The following ATAD1 variants were observed in gnomAD, a reference collection of about 807,000 sequenced individuals.
ATAD1 encodes the protein outer mitochondrial transmembrane helix translocase.
Under a neutral mutation model 42.7 loss-of-function variants are expected in ATAD1, and 18 were observed. The ratio of observed to expected loss-of-function variants is 0.42; its 90% CI spans 0.29 to 0.63. The LOEUF is 0.63. Among genes scored for constraint, ATAD1 ranks in the 20% least tolerant of loss-of-function variants. The pLI, the probability that ATAD1 is intolerant of heterozygous loss-of-function variation, is 0.19. For synonymous variants in ATAD1, 132 were observed against 143.1 expected, an observed-to-expected ratio of 0.92 and a Z score of 0.55; for missense variants, 294 against 440.4, an observed-to-expected ratio of 0.67 and a Z score of 2.98.
chr10:87,757,847 C>T (rs1854294120), intron 8 of ATAD1, among the ~76,000 whole-genome samples: 1 of 152,186 alleles, frequency 6.6e-6, no homozygotes, highest in African/African-American at 2.4e-5. Context: ...AGCAACTCTA[C>T]ACAAGGACAA....
intron 8 of ATAD1, among the ~76,000 whole-genome samples, chr10:87,766,284 T>C (rs1252253023): frequency 6.6e-6 from 1 of 152,142 alleles, no homozygotes; most frequent in East Asian, 1.9e-4. Context: ...AAGTATGAAA[T>C]GACATACACA....
chr10:87,762,310 T>C (rs904821007), intron 8 of ATAD1, among the ~76,000 whole-genome samples: 3 of 152,222 alleles, frequency 2.0e-5, no homozygotes, highest in African/African-American at 7.2e-5. Context: ...TGTAACTACC[T>C]TCTAGTATCT....
chr10:87,794,254 A>T (rs760027808), intron 2 of ATAD1, among the ~76,000 whole-genome samples: 1 of 152,204 alleles, frequency 6.6e-6, no homozygotes, highest in Non-Finnish European at 1.5e-5. Context: ...ACCACATCAC[A>T]TAATCAAACA....
chr10:87,759,850 C>T, intron 8 of ATAD1: 1 of 427,364 alleles, frequency 2.3e-6, no homozygotes, highest in Non-Finnish European at 4.7e-6. Context: ...CAATGTATAG[C>T]TCACCAAAAT....
At chr10:87,794,830 T>C (rs1856303675) in intron 2 of ATAD1, among the ~76,000 whole-genome samples, 1 of 151,860 alleles carries the variant, frequency 6.6e-6, no homozygotes, top group Non-Finnish European at 1.5e-5. Flanking sequence ...AAATGACAAA[T>C]GAATAATGTT....
Position 87,818,218 on chromosome 10 carries a change from A to G in ATAD1, c.-65T>C. 1.0e-6 allele frequency: 1 copy of G among 985,570 alleles called. No individual in the cohort carries two copies. The highest frequency in any genetic ancestry group is 1.2e-6 in the Non-Finnish European group (1 of 830,016). 61.1% of individuals were successfully genotyped at this position (985,570 alleles called of 1,614,324 possible). On this transcript the variant is annotated 5_prime_UTR_variant, in exon 1 of 10. Transcript: ENST00000680024. ...TGCCCTCAGCCGGCCTCACACAGGAAGGAAACGCAACCTGGGAGAGAACGC... is the reference window on the plus strand; with the variant it reads ...TGCCCTCAGCCGGCCTCACACAGGAGGGAAACGCAACCTGGGAGAGAACGC...
At chr10:87,768,016 T>TCC (rs1854846125) in intron 7 of ATAD1, among the ~76,000 whole-genome samples, 1 of 152,312 alleles carries the variant, frequency 6.6e-6, no homozygotes, top group South Asian at 2.1e-4. Context: ...TATAATGTCT[T>TCC]CCCTCTATAG....
At chr10:87,776,499 C>CAAA in intron 5 of ATAD1, 72 bp from the exon 6 acceptor site, 1 of 1,251,540 alleles carries the variant, frequency 8.0e-7, no homozygotes, top group Non-Finnish European at 1.2e-6. Context: ...GACAGGGTCT[C>CAAA]ACTCTGTTGC....
At chr10:87,772,337 C>A (rs2131821994) in intron 6 of ATAD1, among the ~76,000 whole-genome samples, 1 of 151,936 alleles carries the variant, frequency 6.6e-6, no homozygotes, top group East Asian at 1.9e-4. Flanking sequence ...GGTCTGAAAC[C>A]TCTGGGCTCA....
chr10:87,788,179 G>A (rs1372029184), intron 4 of ATAD1, among the ~76,000 whole-genome samples: 1 of 152,180 alleles, frequency 6.6e-6, no homozygotes, highest in African/African-American at 2.4e-5. Flanking sequence ...ATGACCTCAT[G>A]CACTGCATGG....
rs1483576017 is a variant in ATAD1 at position 87,836,976 on chromosome 10, A to G, written c.-14+4211T>C. Among the ~76,000 whole-genome samples the G allele has an allele frequency of 2.6e-5, 4 of 152,318 alleles. No individual in the cohort carries two copies. In the East Asian group the frequency reaches 7.7e-4, roughly 29 times the overall value. ...ATTCTGTAATTGAACCTATACAATT[A>G]GTTCTTTATTTTTGTTATTATATTT... On this transcript the variant is annotated intron_variant, in intron 1 of 4. Coordinates refer to the ATAD1 transcript ENST00000495903.
chr10:87,797,579 T>C (rs1318103773), intron 2 of ATAD1, among the ~76,000 whole-genome samples: 5 of 152,204 alleles, frequency 3.3e-5, no homozygotes, highest in Non-Finnish European at 5.9e-5. Flanking sequence ...GGGCAGAGTC[T>C]TCTTAAGTCT....
intron 1 of ATAD1, among the ~76,000 whole-genome samples, chr10:87,829,097 G>A (rs145608354): frequency 6.6e-6 from 1 of 152,106 alleles, no homozygotes; most frequent in African/African-American, 2.4e-5. Flanking sequence ...GGATCAAAGA[G>A]TAACTTCAAC....
intron 5 of ATAD1, among the ~76,000 whole-genome samples, chr10:87,777,309 A>G (rs1855349384): frequency 6.6e-6 from 1 of 152,218 alleles, no homozygotes; most frequent in Non-Finnish European, 1.5e-5. Flanking sequence ...TGAGCAAAAC[A>G]CTATTAAGCC....
chr10:87,810,746 T>A (rs879733520), intron 2 of ATAD1, among the ~76,000 whole-genome samples: 4 of 152,208 alleles, frequency 2.6e-5, no homozygotes, highest in Non-Finnish European at 4.4e-5. Context: ...GCATATGGCT[T>A]AAATTTCTCT....
At chr10:87,822,062 G>A (rs1003609559), upstream of ATAD1, among the ~76,000 whole-genome samples, 2 of 152,082 alleles carry the variant, frequency 1.3e-5, no homozygotes, top group African/African-American at 2.4e-5. Flanking sequence ...GCCTTTGGAA[G>A]GAAAAACAAA....
At chr10:87,820,255 G>C (rs1430379697), upstream of ATAD1, among the ~76,000 whole-genome samples, 2 of 152,132 alleles carry the variant, frequency 1.3e-5, no homozygotes, top group Non-Finnish European at 2.9e-5. Flanking sequence ...GTCACTAAAG[G>C]CAAGAAACAG....
rs1023109809 is a variant in ATAD1, at chr10:87,766,774, G to A, written c.831+899C>T. On this transcript the variant is annotated intron_variant, in intron 8 of 9. Transcript: ENST00000680024. ...TGCAGTGAGCCGAGATCGTGCCACT[G>A]CAATCCAGCCTGGACTACAGAGTGA... Among the ~76,000 whole-genome samples the A allele has an allele frequency of 2.0e-5, 3 of 151,548 alleles. No individual in the cohort carries two copies. In the South Asian group the frequency reaches 6.2e-4, roughly 32 times the overall value.
At chr10:87,772,933 T>C (rs979439339) in intron 6 of ATAD1, among the ~76,000 whole-genome samples, 3 of 152,232 alleles carry the variant, frequency 2.0e-5, no homozygotes, top group Admixed American at 6.5e-5. Flanking sequence ...GCTCCTTTTA[T>C]GTGTTAGTTG....
Sources: allele counts gnomAD v4.1 joint callset (sites outside exome capture counted in the v4.1 genomes callset), GRCh38; gene constraint gnomAD v4.1.1; transcripts MANE v1.5; gene names NCBI Gene and HGNC (gene_info 2026-07-23, HGNC 2026-07-21).